The following ARHGAP22 variants were observed in gnomAD, a reference collection of about 807,000 sequenced individuals.
The protein encoded by ARHGAP22 is rho GTPase-activating protein 22.
A neutral mutation model predicts 59.1 loss-of-function variants in ARHGAP22; 48 were observed. The observed-to-expected ratio is 0.81, with a 90% CI of 0.64 to 1.03. ARHGAP22 has a LOEUF of 1.03. Ranked by LOEUF, ARHGAP22 falls within the 50% of genes least tolerant of loss-of-function variation. The pLI is 0.00. For missense variants in ARHGAP22, 1,015 were observed against 958.7 expected (o/e 1.06, Z -0.78); for synonymous variants, 445 against 416.4 (o/e 1.07, Z -0.84).
chr10:48,654,868 C>CTTCT (rs796813176), upstream of ARHGAP22, among the ~76,000 whole-genome samples: 96 of 122,054 alleles, frequency 7.9e-4, 2 homozygotes, highest in South Asian at 0.013. Flanking sequence ...TCTTTCTTTC[C>CTTCT]TTCTTTCTTT....
At position 48,538,242 on chromosome 10, in the gene ARHGAP22, A is replaced by G. The variant is rs374649817; in HGVS notation, c.322+17221T>C. 7.9e-5 allele frequency among the ~76,000 whole-genome samples: 12 copies of G among 152,242 alleles called. No homozygotes were observed. The East Asian group carries it at 1.7e-3, about 22-fold the overall frequency. On this transcript the variant is annotated intron_variant, in intron 3 of 9. Transcript: ENST00000249601. ...CCCCAGCTTCTGCTTCTGTCTTCAC[A>G]TGACCTTCCTCCCTCTGTGTCTCTG...
intron 1 of ARHGAP22, among the ~76,000 whole-genome samples, chr10:48,591,577 T>G (rs2059758028): frequency 6.6e-6 from 1 of 152,246 alleles, no homozygotes. Flanking sequence ...AGGTACTTTT[T>G]TTTTAAAGTT....
intron 3 of ARHGAP22, among the ~76,000 whole-genome samples, chr10:48,504,805 C>T (rs2051915311): frequency 2.0e-5 from 3 of 151,934 alleles, no homozygotes; most frequent in East Asian, 3.9e-4. Flanking sequence ...GTGACAGGCA[C>T]CCAGGCTCAG....
intron 4 of ARHGAP22, among the ~76,000 whole-genome samples, chr10:48,476,078 G>A (rs1207807032): frequency 1.3e-5 from 2 of 152,092 alleles, no homozygotes; most frequent in East Asian, 1.9e-4. Context: ...CATCTAACCT[G>A]CCATGTGCCT....
At chr10:48,506,927 G>A (rs957932009) in intron 3 of ARHGAP22, among the ~76,000 whole-genome samples, 2 of 152,188 alleles carry the variant, frequency 1.3e-5, no homozygotes, top group African/African-American at 4.8e-5. Flanking sequence ...TAGACTCTTA[G>A]TTCAGCGCTA....
At chr10:48,451,637 C>A (rs1408132659) in intron 8 of ARHGAP22, 2 of 676,220 alleles carry the variant, frequency 3.0e-6, no homozygotes, top group African/African-American at 1.8e-5. Context: ...TACAATTGCA[C>A]ACACAATGCA....
At chr10:48,570,331 G>A (rs2058319733) in intron 2 of ARHGAP22, among the ~76,000 whole-genome samples, 1 of 152,204 alleles carries the variant, frequency 6.6e-6, no homozygotes, top group South Asian at 2.1e-4. Flanking sequence ...CACAGAAGAA[G>A]CATTTCAAGT....
At position 48,583,029 on chromosome 10, in the gene ARHGAP22, T is replaced by G; in HGVS notation, c.158A>C (p.Asn53Thr). 1 of 1,614,260 alleles carries G rather than the reference T, an allele frequency of 6.2e-7. No individual in the cohort carries two copies. Among genetic ancestry groups the G allele is most frequent in the Middle Eastern group, 1.6e-4 (1 of 6,062 alleles). ...WLKKQRSIMK[N>T]WQQRWFVLRG... ...CAGCACAAACCAGCGCTGCTGCCAGTTCTTCATGATGCTCCTCTGCTTCTT... is the reference window on the plus strand; with the variant it reads ...CAGCACAAACCAGCGCTGCTGCCAGGTCTTCATGATGCTCCTCTGCTTCTT... Residue 53 changes from asparagine to threonine, a missense_variant, in exon 2 of 10, where the codon AAC becomes ACC. Asn to Thr is a moderately conservative substitution (Grantham distance 65). Coordinates refer to ENST00000249601, the MANE Select transcript of ARHGAP22 (RefSeq NM_021226.4).
chr10:48,593,065 C>T (rs903450805), intron 1 of ARHGAP22, among the ~76,000 whole-genome samples: 14 of 152,206 alleles, frequency 9.2e-5, no homozygotes, highest in African/African-American at 3.4e-4. Context: ...GCTGTTCCTA[C>T]AGACATGTGC....
chr10:48,602,218 T>C (rs1435480361), intron 1 of ARHGAP22, among the ~76,000 whole-genome samples: 5 of 152,114 alleles, frequency 3.3e-5, no homozygotes, highest in African/African-American at 7.2e-5. Flanking sequence ...TAATAGAGCT[T>C]TCTCTCCCCA....
At chr10:48,649,417 C>A (rs1011123788) in intron 1 of ARHGAP22, among the ~76,000 whole-genome samples, 1 of 152,198 alleles carries the variant, frequency 6.6e-6, no homozygotes, top group Non-Finnish European at 1.5e-5. Context: ...TTGGTCCCAG[C>A]GTGCAGGTCA....
chr10:48,498,458 A>G (rs930389486), intron 3 of ARHGAP22, among the ~76,000 whole-genome samples: 3 of 152,074 alleles, frequency 2.0e-5, no homozygotes, highest in Non-Finnish European at 2.9e-5. Context: ...AGTGGCCCAC[A>G]TGTAGAGGAA....
At chr10:48,652,184 T>C in intron 1 of ARHGAP22, 1 of 1,500,596 alleles carries the variant, frequency 6.7e-7, no homozygotes, top group Non-Finnish European at 9.0e-7. Context: ...AAGCAAGAAG[T>C]CAAATGCAAA....
chr10:48,557,757 C>T (rs1415198198), intron 2 of ARHGAP22, among the ~76,000 whole-genome samples: 1 of 152,258 alleles, frequency 6.6e-6, no homozygotes, highest in Admixed American at 6.5e-5. Context: ...CCCCCCACCA[C>T]TGCAGGGGCC....
chr10:48,597,535 C>T (rs1458866097), intron 1 of ARHGAP22, among the ~76,000 whole-genome samples: 1 of 152,128 alleles, frequency 6.6e-6, no homozygotes. Context: ...AGATACGGAT[C>T]CTGCTGCTTC....
At chr10:48,560,848 C>T (rs4838623) in intron 2 of ARHGAP22, among the ~76,000 whole-genome samples, 40,475 of 151,818 alleles carry the variant, frequency 0.27, 6,057 homozygotes, top group African/African-American at 0.4. Context: ...GGGATAAACC[C>T]CACTTTGTCA....
chr10:48,545,333 T>A (rs2056336867), intron 3 of ARHGAP22, among the ~76,000 whole-genome samples: 1 of 152,224 alleles, frequency 6.6e-6, no homozygotes, highest in Non-Finnish European at 1.5e-5. Context: ...CCAGGGAGCC[T>A]GCAGGAGTTT....
intron 3 of ARHGAP22, among the ~76,000 whole-genome samples, chr10:48,480,828 G>A (rs1276224560): frequency 2.0e-5 from 3 of 152,234 alleles, no homozygotes; most frequent in Non-Finnish European, 1.5e-5. Context: ...CGAATGAGTG[G>A]CACAGCCAGA....
At chr10:48,619,375 A>G (rs1284878140) in intron 1 of ARHGAP22, among the ~76,000 whole-genome samples, 1 of 152,166 alleles carries the variant, frequency 6.6e-6, no homozygotes, top group African/African-American at 2.4e-5. Context: ...AAAAGACCCC[A>G]AGTAGTCAAA....
Sources: allele counts gnomAD v4.1 joint callset (sites outside exome capture counted in the v4.1 genomes callset), GRCh38; gene constraint gnomAD v4.1.1; transcripts MANE v1.5; gene names NCBI Gene and HGNC (gene_info 2026-07-23, HGNC 2026-07-21).